The following OR1J2 variants were observed in gnomAD, a reference collection of about 807,000 sequenced individuals.
The protein encoded by OR1J2 is olfactory receptor 1J2.
For synonymous variants in OR1J2, 142 were observed against 99.7 expected (o/e 1.42, Z -2.52); for missense variants, 304 against 246.1 (o/e 1.24, Z -1.57).
At chr9:122,516,464 C>T (rs1400468723), downstream of OR1J2, among the ~76,000 whole-genome samples, 2 of 151,838 alleles carry the variant, frequency 1.3e-5, no homozygotes, top group Non-Finnish European at 1.5e-5. Flanking sequence ...CCACTACGCC[C>T]GGCTAATTTT....
chr9:122,567,994 G>T, the OR1J2 span: 4 of 1,614,054 alleles, frequency 2.5e-6, no homozygotes, highest in Middle Eastern at 1.6e-4. Context: ...TTCAGCAGAA[G>T]TGTGTGCAGG....
the OR1J2 span, among the ~76,000 whole-genome samples, chr9:122,487,459 A>ACACACT: frequency 1.5e-4 from 2 of 13,050 alleles, no homozygotes; most frequent in African/African-American, 1.6e-3. Context: ...GAGATGATTA[A>ACACACT]CACACACACA....
chr9:122,498,800 C>A, the OR1J2 span, among the ~76,000 whole-genome samples: 2 of 152,028 alleles, frequency 1.3e-5, no homozygotes, highest in African/African-American at 2.4e-5. Context: ...AGGATTTTTT[C>A]CTTTTCTTTC....
chr9:122,477,330 G>T, the OR1J2 span: 1 of 1,614,186 alleles, frequency 6.2e-7, no homozygotes. Context: ...CTGCTGTAAA[G>T]ATTGCTAACT....
chr9:122,463,547 G>A, the OR1J2 span, among the ~76,000 whole-genome samples: 70 of 152,200 alleles, frequency 4.6e-4, no homozygotes, highest in Non-Finnish European at 9.0e-4. Flanking sequence ...CTTCTCATTT[G>A]GGTAGACTAT....
chr9:122,539,740 G>A, the OR1J2 span, among the ~76,000 whole-genome samples: 7 of 152,080 alleles, frequency 4.6e-5, no homozygotes, highest in African/African-American at 1.7e-4. Context: ...AACAGTGTAA[G>A]AGTGTTCTTA....
the OR1J2 span, among the ~76,000 whole-genome samples, chr9:122,556,337 C>T: frequency 4.0e-5 from 6 of 150,928 alleles, no homozygotes; most frequent in Non-Finnish European, 5.9e-5. Context: ...GTTGAAGAGA[C>T]TGTTTTCTCC....
chr9:122,551,654 C>T, the OR1J2 span, among the ~76,000 whole-genome samples: 366 of 152,248 alleles, frequency 2.4e-3, 1 homozygote, highest in African/African-American at 8.3e-3. Context: ...CCGAGACCCA[C>T]ATTTGAGATC....
At chr9:122,527,582 A>C in the OR1J2 span, among the ~76,000 whole-genome samples, 3 of 151,974 alleles carry the variant, frequency 2.0e-5, no homozygotes, top group Non-Finnish European at 2.9e-5. Flanking sequence ...GCCTCATGTT[A>C]GTTTCATTTT....
chr9:122,553,508 G>T, the OR1J2 span: 14 of 1,613,938 alleles, frequency 8.7e-6, no homozygotes, highest in African/African-American at 1.6e-4. Flanking sequence ...CGTATTCTGG[G>T]TGTCTTGCAC....
chr9:122,576,171 A>G, the OR1J2 span, among the ~76,000 whole-genome samples: 2 of 150,814 alleles, frequency 1.3e-5, no homozygotes, highest in African/African-American at 4.8e-5. Context: ...GAGTACAGAA[A>G]GTATATACAT....
chr9:122,459,548 C>T, the OR1J2 span, among the ~76,000 whole-genome samples: 1 of 152,148 alleles, frequency 6.6e-6, no homozygotes, highest in African/African-American at 2.4e-5. Flanking sequence ...ATGAATCTTT[C>T]CCTTTTTAAC....
At chr9:122,554,203 TC>T in the OR1J2 span, 1 of 1,460,576 alleles carries the variant, frequency 6.8e-7, no homozygotes, top group African/African-American at 1.4e-5. Flanking sequence ...GATCAACCCC[TC>T]CCTGTCTTCC....
the OR1J2 span, among the ~76,000 whole-genome samples, chr9:122,468,861 A>G: frequency 9.2e-5 from 14 of 152,194 alleles, no homozygotes; most frequent in Non-Finnish European, 1.8e-4. Flanking sequence ...TTATTCAATC[A>G]TGCTGCAATA....
the OR1J2 span, among the ~76,000 whole-genome samples, chr9:122,551,323 A>C: frequency 1.3e-5 from 2 of 152,202 alleles, no homozygotes; most frequent in African/African-American, 2.4e-5. Flanking sequence ...ATTAAAATAC[A>C]GTAGATATAA....
the OR1J2 span, among the ~76,000 whole-genome samples, chr9:122,539,418 C>T: frequency 2.0e-5 from 3 of 151,972 alleles, no homozygotes; most frequent in Non-Finnish European, 1.5e-5. Context: ...TCCAGCTTCA[C>T]CCATGTCCCT....
At chr9:122,513,225 G>C (rs1828660991), downstream of OR1J2, among the ~76,000 whole-genome samples, 1 of 152,124 alleles carries the variant, frequency 6.6e-6, no homozygotes, top group East Asian at 1.9e-4. Context: ...AATGCAATAT[G>C]TTTACTCAAT....
chr9:122,483,055 A>G, the OR1J2 span, among the ~76,000 whole-genome samples: 2 of 152,236 alleles, frequency 1.3e-5, no homozygotes, highest in East Asian at 3.8e-4. Flanking sequence ...GGTGATGGAT[A>G]TACAACTTAT....
At chr9:122,567,383 C>T in the OR1J2 span, 2 of 512,558 alleles carry the variant, frequency 3.9e-6, no homozygotes, top group Admixed American at 3.7e-5. Context: ...AGATACAGGC[C>T]GAATTGTTGG....
Sources: allele counts gnomAD v4.1 joint callset (sites outside exome capture counted in the v4.1 genomes callset), GRCh38; gene constraint gnomAD v4.1.1; transcripts MANE v1.5; gene names NCBI Gene and HGNC (gene_info 2026-07-23, HGNC 2026-07-21).